RIMS1: variants seen among roughly 807,000 people sequenced by gnomAD.
RIMS1 encodes regulating synaptic membrane exocytosis protein 1.
A neutral mutation model predicts 214.1 loss-of-function variants in RIMS1; 83 were observed. The observed-to-expected ratio is 0.39, with a 90% CI of 0.32 to 0.47. The LOEUF (loss-of-function observed/expected upper bound fraction) is 0.47. Ranked by LOEUF, RIMS1 falls within the 20% of genes least tolerant of loss-of-function variation. The pLI is 0.99. For missense variants in RIMS1, 2,050 were observed against 2,161.8 expected, an observed-to-expected ratio of 0.95 and a Z score of 1.03; for synonymous variants, 793 against 786.8, an observed-to-expected ratio of 1.01 and a Z score of -0.13.
chr6:71,889,650 T>G (rs1222799471), intron 1 of RIMS1, among the ~76,000 whole-genome samples: 1 of 145,574 alleles, frequency 6.9e-6, no homozygotes, highest in Non-Finnish European at 1.5e-5. Context: ...AGTGCTGTAA[T>G]TTTTTTTTAT....
intron 29 of RIMS1, among the ~76,000 whole-genome samples, chr6:72,339,526 A>G (rs2096970228): frequency 6.6e-6 from 1 of 151,674 alleles, no homozygotes; most frequent in Non-Finnish European, 1.5e-5. Context: ...GAGTGAGAAC[A>G]TGCAGTGTTT....
chr6:72,232,718 T>A (rs2062466592), intron 6 of RIMS1, among the ~76,000 whole-genome samples: 1 of 151,734 alleles, frequency 6.6e-6, no homozygotes, highest in Non-Finnish European at 1.5e-5. Context: ...CCTAAAAAAT[T>A]GAAGTGTATG....
chr6:71,928,838 G>A (rs987409040), intron 1 of RIMS1, among the ~76,000 whole-genome samples: 2 of 152,144 alleles, frequency 1.3e-5, no homozygotes, highest in East Asian at 1.9e-4. Context: ...TGCAGCCAGT[G>A]TTGAAAATCA....
intron 11 of RIMS1, among the ~76,000 whole-genome samples, chr6:72,247,535 C>CAAAAAAAA (rs10717559): frequency 9.6e-6 from 1 of 104,026 alleles, no homozygotes; most frequent in Non-Finnish European, 1.9e-5. Flanking sequence ...AACTCTGTCT[C>CAAAAAAAA]AAAAAAAAAA....
At chr6:72,147,311 A>T (rs1405452618) in intron 4 of RIMS1, among the ~76,000 whole-genome samples, 2 of 152,208 alleles carry the variant, frequency 1.3e-5, no homozygotes, top group Admixed American at 1.3e-4. Flanking sequence ...GAGAGACAGA[A>T]AATTGAGTAG....
At chr6:72,046,411 A>G (rs1313526680) in intron 2 of RIMS1, among the ~76,000 whole-genome samples, 2 of 152,094 alleles carry the variant, frequency 1.3e-5, no homozygotes, top group African/African-American at 2.4e-5. Context: ...AAAGTTTGAA[A>G]ATAGTATTGC....
intron 6 of RIMS1, among the ~76,000 whole-genome samples, chr6:72,212,261 C>T (rs1172806522): frequency 2.0e-5 from 3 of 151,252 alleles, no homozygotes; most frequent in African/African-American, 7.3e-5. Context: ...GAAGGTACAG[C>T]TCTTCATATT....
At chr6:72,293,802 G>C (rs1195959330) in intron 26 of RIMS1, among the ~76,000 whole-genome samples, 1 of 151,620 alleles carries the variant, frequency 6.6e-6, no homozygotes, top group African/African-American at 2.4e-5. Context: ...AAATGTTACT[G>C]TTTATGATAT....
At chr6:72,081,045 G>A (rs569650954) in intron 2 of RIMS1, among the ~76,000 whole-genome samples, 1 of 152,156 alleles carries the variant, frequency 6.6e-6, no homozygotes, top group African/African-American at 2.4e-5. Context: ...TCACACACAG[G>A]GTACGTTTCC....
intron 4 of RIMS1, among the ~76,000 whole-genome samples, chr6:72,103,068 C>T (rs1359817806): frequency 6.6e-6 from 1 of 151,986 alleles, no homozygotes; most frequent in African/African-American, 2.4e-5. Context: ...AGAAAAATAA[C>T]ATAGGTCTAT....
At chr6:72,352,966 A>AAAC (rs1483331949) in intron 29 of RIMS1, among the ~76,000 whole-genome samples, 5 of 144,464 alleles carry the variant, frequency 3.5e-5, no homozygotes, top group African/African-American at 1.3e-4. Context: ...GTCATTTGAG[A>AAAC]GTTTACATTC....
intron 6 of RIMS1, among the ~76,000 whole-genome samples, chr6:72,222,570 T>G (rs990082941): frequency 2.0e-5 from 3 of 152,136 alleles, no homozygotes. Flanking sequence ...ATGACTTAAT[T>G]GTAAAAACTT....
intron 4 of RIMS1, among the ~76,000 whole-genome samples, chr6:72,107,264 A>G (rs2034948606): frequency 6.6e-6 from 1 of 152,242 alleles, no homozygotes; most frequent in African/African-American, 2.4e-5. Flanking sequence ...CTGGTGGATA[A>G]TAGAAATGAA....
intron 2 of RIMS1, among the ~76,000 whole-genome samples, chr6:72,051,414 C>T (rs1019492719): frequency 6.6e-6 from 1 of 151,960 alleles, no homozygotes; most frequent in Non-Finnish European, 1.5e-5. Flanking sequence ...AAACTGAGGC[C>T]CAGAAGAGTT....
At chr6:72,356,798 T>A (rs932199624) in intron 29 of RIMS1, among the ~76,000 whole-genome samples, 15 of 151,992 alleles carry the variant, frequency 9.9e-5, no homozygotes, top group Admixed American at 5.9e-4. Flanking sequence ...TAAAATAAAA[T>A]GAGACTTTAG....
chr6:72,212,564 AAGC>A lies in RIMS1; in HGVS notation c.1679-21206_1679-21204del, dbSNP rs373979814. Among the ~76,000 whole-genome samples the A allele has an allele frequency of 2.3e-3, 344 of 152,302 alleles. 2 individuals carry two copies. Among genetic ancestry groups the A allele is most frequent in the African/African-American group, 7.9e-3 (328 of 41,558 alleles). On this transcript the variant is annotated intron_variant, in intron 6 of 33. Transcript: ENST00000521978. Reference sequence around the variant, plus strand: ...AATTAATTTTAATGGTACTGAACAAAAGCAGAAGAGTTAGGTTAAGAAATCATT... The same window carrying A: ...AATTAATTTTAATGGTACTGAACAAAAGAAGAGTTAGGTTAAGAAATCATT...
intron 29 of RIMS1, among the ~76,000 whole-genome samples, chr6:72,385,424 C>T (rs1272871601): frequency 6.6e-6 from 1 of 152,144 alleles, no homozygotes; most frequent in African/African-American, 2.4e-5. Flanking sequence ...TACAAACTAA[C>T]TTGTAAAGCC....
intron 4 of RIMS1, among the ~76,000 whole-genome samples, chr6:72,128,007 A>G (rs1275171808): frequency 6.6e-6 from 1 of 152,188 alleles, no homozygotes; most frequent in Admixed American, 6.5e-5. Context: ...ATTGATAACT[A>G]ATGTATGTCA....
At chr6:71,941,742 G>T (rs1786216972) in intron 1 of RIMS1, among the ~76,000 whole-genome samples, 1 of 152,160 alleles carries the variant, frequency 6.6e-6, no homozygotes, top group Admixed American at 6.5e-5. Context: ...GTAAAACTTG[G>T]CTTGAATTGT....
Sources: gnomAD v4.1 joint callset for allele counts (sites outside exome capture counted in the v4.1 genomes callset) on GRCh38, gnomAD v4.1.1 for gene constraint, MANE v1.5 for transcripts, NCBI Gene and HGNC (gene_info 2026-07-23, HGNC 2026-07-21) for gene names.